The following ZNF497 variants were observed in gnomAD, a reference collection of about 807,000 sequenced individuals.
ZNF497 encodes the protein zinc finger-like protein.
For missense variants in ZNF497, 930 were observed against 714.0 expected (o/e 1.30, Z -3.45); for synonymous variants, 422 against 313.7 (o/e 1.35, Z -3.65).
intron 2 of ZNF497, 143 bp from the exon 3 acceptor site, chr19:58,357,792 C>T (rs571575021): frequency 1.7e-5 from 21 of 1,207,228 alleles, no homozygotes; most frequent in African/African-American, 3.1e-5. Context: ...CCTCTGGAGC[C>T]TGGAGCAGGA....
rs866551338 is a variant in ZNF497 at position 58,356,017 on chromosome 19, C to T, written c.*122G>A. On this transcript the variant is annotated 3_prime_UTR_variant, in exon 3 of 3. Transcript: ENST00000311044. Reference sequence around the variant, plus strand: ...CTCCACACCCAAGGCCGCCCCTGCACTCCCAGCAGGAGGGCGCCCGCACCG... The same window carrying T: ...CTCCACACCCAAGGCCGCCCCTGCATTCCCAGCAGGAGGGCGCCCGCACCG... 1.0e-4 allele frequency: 120 copies of T among 1,194,530 alleles called. 4 individuals carry two copies. In the South Asian group the frequency reaches 1.8e-3, roughly 18 times the overall value. The allele number at this position is 1,194,530 out of a possible 1,614,324, so 74.0% of individuals were successfully genotyped here.
At chr19:58,361,941 C>T (rs548336130) in intron 1 of ZNF497, among the ~76,000 whole-genome samples, 4 of 152,318 alleles carry the variant, frequency 2.6e-5, no homozygotes, top group Admixed American at 1.3e-4. Context: ...ATCAGGGCTG[C>T]CGTCCTGAGT....
At chr19:58,359,121 C>T (rs774407012) in intron 1 of ZNF497, 3 of 1,200,352 alleles carry the variant, frequency 2.5e-6, no homozygotes, top group East Asian at 5.4e-5. Flanking sequence ...GCCAGGGCCC[C>T]TCGGGGCCCT....
chr19:58,362,125 GC>G (rs1296076898), intron 1 of ZNF497, among the ~76,000 whole-genome samples: 1 of 152,170 alleles, frequency 6.6e-6, no homozygotes, highest in African/African-American at 2.4e-5. Context: ...CAGCGCCCAC[GC>G]CCCCAACAAC....
intron 1 of ZNF497, among the ~76,000 whole-genome samples, chr19:58,361,673 G>A (rs1482437333): frequency 2.6e-5 from 4 of 152,140 alleles, no homozygotes; most frequent in South Asian, 4.1e-4. Context: ...TTTTCAAGAT[G>A]CCACCTTTAG....
chr19:58,361,415 G>A (rs1280131790), intron 1 of ZNF497, among the ~76,000 whole-genome samples: 1 of 152,076 alleles, frequency 6.6e-6, no homozygotes, highest in Non-Finnish European at 1.5e-5. Context: ...GGAGTGCAGT[G>A]GCGTGATGTG....
intron 2 of ZNF497, chr19:58,358,011 A>C: frequency 8.1e-7 from 1 of 1,231,766 alleles, no homozygotes; most frequent in Non-Finnish European, 1.0e-6. Context: ...TGGGGCCCCA[A>C]GTGTCAAGAA....
chr19:58,359,519 TCCC>T, intron 1 of ZNF497: 1 of 452,624 alleles, frequency 2.2e-6, no homozygotes, highest in East Asian at 7.0e-5. Context: ...TACCATCCCT[TCCC>T]CCCGCCTCCC....
rs750014710 is a variant in ZNF497 at position 58,357,061 on chromosome 19, C to A, written c.575G>T (p.Cys192Phe). The change falls in exon 3 of 3, where the codon TGC (cysteine) becomes TTC (phenylalanine). Residue 192 changes from cysteine (C) to phenylalanine (F), a missense_variant. Physicochemically the swap from Cys to Phe is radical, Grantham distance 205 (BLOSUM62 -2). Coordinates refer to ENST00000311044, the MANE Select transcript of ZNF497 (RefSeq NM_198458.3). ...GCCGAAGGACTTGCCGCAGTCCGGGCAGCGGAAGGGCTTCAGGCCGCTGTG... is the reference window on the plus strand; with the variant it reads ...GCCGAAGGACTTGCCGCAGTCCGGGAAGCGGAAGGGCTTCAGGCCGCTGTG... ...ETHSGLKPFRCPDCGKSFGRS... is the reference protein window; with the variant it reads ...ETHSGLKPFRFPDCGKSFGRS... 30 of 1,610,958 alleles carry A rather than the reference C, an allele frequency of 1.9e-5. No homozygotes were observed. Among genetic ancestry groups the A allele is most frequent in the Non-Finnish European group, 2.4e-5 (28 of 1,178,966 alleles).
Position 58,357,589 on chromosome 19 carries a change from C to T in ZNF497, c.47G>A (p.Gly16Asp). The T allele has an allele frequency of 4.4e-6, 7 of 1,575,758 alleles. No homozygotes were observed. The highest frequency in any genetic ancestry group is 1.4e-5 in the African/African-American group (1 of 73,542). The change falls in exon 3 of 3, where the codon GGC (glycine) becomes GAC (aspartate). Residue 16 changes from glycine (G) to aspartate (D), a missense_variant. Coordinates refer to ENST00000311044, the MANE Select transcript of ZNF497 (RefSeq NM_198458.3). Reference protein sequence around the residue: ...GWTLQVAPEEGQVLCNVKTAT... With the variant: ...GWTLQVAPEEDQVLCNVKTAT... Reference sequence around the variant, plus strand: ...AGTCTTCACATTGCAGAGGACCTGGCCTTCCTCTGGGGCCACCTGCAGGGT... The same window carrying T: ...AGTCTTCACATTGCAGAGGACCTGGTCTTCCTCTGGGGCCACCTGCAGGGT...
At position 58,356,272 on chromosome 19, in the gene ZNF497, G is replaced by A. The variant is rs747277959; in HGVS notation, c.1364C>T (p.Ser455Leu). ...AHCSKAFVRK[S>L]ELLSHRRTHT... ...CGTGCGCCGGTGGCTTAAGAGCTCC[G>A]ACTTGCGCACGAAGGCCTTGCTGCA... Residue 455 changes from serine to leucine, a missense_variant, in exon 3 of 3, where the codon TCG (serine) becomes TTG (leucine). Coordinates refer to ENST00000311044, the MANE Select transcript of ZNF497 (RefSeq NM_198458.3). The A allele has an allele frequency of 3.1e-6, 5 of 1,601,360 alleles. No individual in the cohort carries two copies. Among genetic ancestry groups the A allele is most frequent in the Non-Finnish European group, 4.3e-6 (5 of 1,175,016 alleles).
At chr19:58,358,745 C>T (rs535956117) in intron 1 of ZNF497, 160 bp from the exon 2 acceptor site, 42 of 465,008 alleles carry the variant, frequency 9.0e-5, no homozygotes, top group South Asian at 5.3e-4. Flanking sequence ...CTGACTCTGC[C>T]GTCCAAGCCA....
At chr19:58,361,601 C>T (rs2052094717) in intron 1 of ZNF497, among the ~76,000 whole-genome samples, 1 of 152,166 alleles carries the variant, frequency 6.6e-6, no homozygotes, top group African/African-American at 2.4e-5. Context: ...AAGGGATCCA[C>T]CCGCCTTGGC....
At chr19:58,358,288 T>TGA (rs142795017) in intron 2 of ZNF497, 21 of 1,286,716 alleles carry the variant, frequency 1.6e-5, no homozygotes, top group African/African-American at 3.0e-5. Context: ...CCCAGATCCC[T>TGA]GAGAGAGAGA....
Position 58,362,722 on chromosome 19 carries a change from G to A in ZNF497, c.-157C>T, listed in dbSNP as rs991705225. ...GTCCACTAGGAGCGGCCTGAAAGAGGCCCGCACGCGGGCTCGAGCCGCGTG... is the reference window on the plus strand; with the variant it reads ...GTCCACTAGGAGCGGCCTGAAAGAGACCCGCACGCGGGCTCGAGCCGCGTG... On this transcript the variant is annotated 5_prime_UTR_variant, in exon 1 of 3. Transcript: ENST00000311044. 3 of 152,160 alleles carry A rather than the reference G, an allele frequency of 2.0e-5. No homozygotes were observed. The highest frequency in any genetic ancestry group is 7.2e-5 in the African/African-American group (3 of 41,438). The allele number at this position is 152,160 out of a possible 1,614,324, so 9.4% of individuals were successfully genotyped here.
chr19:58,359,948 G>A (rs1407358109), intron 1 of ZNF497, among the ~76,000 whole-genome samples: 2 of 147,578 alleles, frequency 1.4e-5, no homozygotes, highest in Admixed American at 7.0e-5. Flanking sequence ...CTCCAGCCTG[G>A]GTGACAAAGT....
intron 1 of ZNF497, chr19:58,359,604 A>G (rs997153480): frequency 1.1e-5 from 4 of 380,814 alleles, no homozygotes; most frequent in African/African-American, 4.2e-5. Flanking sequence ...AACAACTAAG[A>G]CAGAGACTGT....
At position 58,357,342 on chromosome 19, in the gene ZNF497, C is replaced by G. The variant is rs1370990992; in HGVS notation, c.294G>C (p.Ser98=). The stretch of plus-strand genomic sequence containing the variant: ...GGCAGCCCGGCTCCTCTGGGAGAGG[C>G]GAAGGGCGCAACGCCCGGTCTGCAG... ...SEPADRALRP[S]PLPEEPGCRC... Residue 98 remains serine, a synonymous_variant, in exon 3 of 3, where the codon TCG becomes TCC. Transcript: ENST00000311044. 1.3e-6 allele frequency: 2 copies of G among 1,598,336 alleles called. No homozygotes were observed. Among genetic ancestry groups the G allele is most frequent in the Admixed American group, 1.7e-5 (1 of 57,768 alleles).
In ZNF497 at chr19:58,356,672, G is replaced by A. The variant is rs1375642265; in HGVS notation, c.964C>T (p.Arg322Cys). Residue 322 changes from arginine to cysteine, a missense_variant, in exon 3 of 3, where the codon CGC becomes TGC. Coordinates refer to ENST00000311044, the MANE Select transcript of ZNF497 (RefSeq NM_198458.3). The part of the protein sequence containing the change: ...RESSQLLQHQ[R>C]THTGERPFEC... ...AAGGGCCGCTCACCAGTGTGCGTGC[G>A]CTGGTGCTGCAGGAGCTGCGAGCTC... 10 of 1,553,664 alleles carry A rather than the reference G, an allele frequency of 6.4e-6. No individual in the cohort carries two copies. The highest frequency in any genetic ancestry group is 3.8e-5 in the Admixed American group (2 of 52,488).
Sources: gnomAD v4.1 joint callset for allele counts (sites outside exome capture counted in the v4.1 genomes callset) on GRCh38, gnomAD v4.1.1 for gene constraint, MANE v1.5 for transcripts, NCBI Gene and HGNC (gene_info 2026-07-23, HGNC 2026-07-21) for gene names.